Variants in IPCEF1 observed in about 807,000 individuals in gnomAD.
IPCEF1 encodes interaction protein for cytohesin exchange factors 1, also known as interactor protein for cytohesin exchange factors 1.
A neutral mutation model predicts 50.9 loss-of-function variants in IPCEF1; 31 were observed. That is an observed-to-expected ratio of 0.61 (90% CI 0.46 to 0.82). The LOEUF is 0.82. IPCEF1 is among the 40% of genes least tolerant of loss of function. IPCEF1 has a pLI of 0.00. For missense variants in IPCEF1, 458 were observed against 514.0 expected (o/e 0.89, Z 1.05); for synonymous variants, 181 against 192.0 (o/e 0.94, Z 0.47).
intron 5 of IPCEF1, among the ~76,000 whole-genome samples, chr6:154,240,522 G>GAA (rs11394579): frequency 0.018 from 2,689 of 146,542 alleles, 72 homozygotes; most frequent in African/African-American, 0.062. Context: ...TTCTTGAGCT[G>GAA]AAAAAAAAAA....
rs1298381803 is a variant in IPCEF1, at chr6:154,199,845, C to T, written c.733G>A (p.Val245Ile). Residue 245 changes from valine (V) to isoleucine (I), a missense_variant, in exon 10 of 12, where the codon GTT (valine) becomes ATT (isoleucine). By Grantham distance (29) the Val-to-Ile change is conservative. Coordinates refer to ENST00000367220, the MANE Select transcript of IPCEF1 (RefSeq NM_001130700.2). ...EGQPITFAVQ[V>I]HSPVPSEAGI... The stretch of plus-strand genomic sequence containing the variant: ...GCCTCTGAGGGTACAGGTGAATGAA[C>T]TTGCACAGCAAACGTTATTGGTTGT... 1.9e-6 allele frequency: 3 copies of T among 1,614,068 alleles called. No individual in the cohort carries two copies. The highest frequency in any genetic ancestry group is 1.7e-5 in the Admixed American group (1 of 60,004).
intron 1 of IPCEF1, among the ~76,000 whole-genome samples, chr6:154,307,172 T>C (rs1244225783): frequency 6.6e-6 from 1 of 152,184 alleles, no homozygotes; most frequent in Non-Finnish European, 1.5e-5. Context: ...CCAAATCTCA[T>C]CTTGTAGCTC....
Position 154,243,060 on chromosome 6 carries a change from G to C in IPCEF1, c.246+3531C>G, listed in dbSNP as rs1001508624. Among the ~76,000 whole-genome samples, 14 of 152,202 alleles carry C rather than the reference G, an allele frequency of 9.2e-5. No homozygotes were observed. In the South Asian group the frequency reaches 2.1e-3, roughly 22 times the overall value. ...TAGGAGAAAGACTTCAGGGCATGGAGACAGAGTTTTCTGAGCAGAGAAACA... is the reference window on the plus strand; with the variant it reads ...TAGGAGAAAGACTTCAGGGCATGGACACAGAGTTTTCTGAGCAGAGAAACA... On this transcript the variant is annotated intron_variant, in intron 5 of 11. Coordinates refer to ENST00000367220, the MANE Select transcript of IPCEF1 (RefSeq NM_001130700.2).
intron 5 of IPCEF1, among the ~76,000 whole-genome samples, chr6:154,224,578 G>A (rs917048352): frequency 6.6e-6 from 1 of 152,114 alleles, no homozygotes; most frequent in Non-Finnish European, 1.5e-5. Context: ...GGTCATGGTG[G>A]TGGGCCCCTG....
chr6:154,161,624 A>T (rs942575386), intron 11 of IPCEF1, among the ~76,000 whole-genome samples: 1 of 152,136 alleles, frequency 6.6e-6, no homozygotes, highest in East Asian at 1.9e-4. Flanking sequence ...TTATGTTCTC[A>T]TGCCTTCCAA....
chr6:154,266,701 A>G (rs1287075747), intron 2 of IPCEF1, among the ~76,000 whole-genome samples: 2 of 151,978 alleles, frequency 1.3e-5, no homozygotes, highest in Non-Finnish European at 2.9e-5. Context: ...TTGAAAACAT[A>G]GCTAACTCCC....
rs184924596 is a variant in IPCEF1, at chr6:154,321,398, C to T, written c.-61-31642G>A. 3.8e-4 allele frequency among the ~76,000 whole-genome samples: 58 copies of T among 151,892 alleles called. 1 individual carries two copies. Among genetic ancestry groups the T allele is most frequent in the Admixed American group, 3.7e-3 (57 of 15,224 alleles). On this transcript the variant is annotated intron_variant, in intron 1 of 11. Coordinates refer to ENST00000367220, the MANE Select transcript of IPCEF1 (RefSeq NM_001130700.2). ...TAGTTTTTACTCATGAACTTATATA[C>T]TAGATAAACATTTCAGGAAAGAGGG...
intron 9 of IPCEF1, among the ~76,000 whole-genome samples, chr6:154,209,729 C>T (rs1305679180): frequency 6.6e-6 from 1 of 151,614 alleles, no homozygotes; most frequent in Non-Finnish European, 1.5e-5. Context: ...AACCAAGTGC[C>T]TTCCATGTCT....
At chr6:154,161,502 T>C (rs779107281) in intron 11 of IPCEF1, among the ~76,000 whole-genome samples, 1 of 152,138 alleles carries the variant, frequency 6.6e-6, no homozygotes, top group Non-Finnish European at 1.5e-5. Context: ...CGTGAGCCAC[T>C]GCACCTGGCC....
intron 3 of IPCEF1, among the ~76,000 whole-genome samples, chr6:154,260,138 T>C (rs2128651013): frequency 6.6e-6 from 1 of 152,246 alleles, no homozygotes; most frequent in South Asian, 2.1e-4. Flanking sequence ...TCTTGTGAAG[T>C]AAACACAGCA....
chr6:154,339,846 C>G (rs964920686), intron 1 of IPCEF1, among the ~76,000 whole-genome samples: 5 of 152,120 alleles, frequency 3.3e-5, no homozygotes, highest in Admixed American at 6.5e-5. Context: ...GAGCCACCCC[C>G]CTCACCTCCC....
In IPCEF1 at chr6:154,312,942, G is replaced by A. The variant is rs560408267; in HGVS notation, c.-61-23186C>T. Among the ~76,000 whole-genome samples, 81 of 151,808 alleles carry A rather than the reference G, an allele frequency of 5.3e-4. No homozygotes were observed. In the South Asian group the frequency reaches 0.017, roughly 31 times the overall value. ...ATTTTTTAGAACTTTTTCTTGGGCAGGGCACAGTGGCTCACACCTAACACT... is the reference window on the plus strand; with the variant it reads ...ATTTTTTAGAACTTTTTCTTGGGCAAGGCACAGTGGCTCACACCTAACACT... On this transcript the variant is annotated intron_variant, in intron 1 of 11. Transcript: ENST00000367220.
chr6:154,250,736 A>G (rs1781317432), intron 3 of IPCEF1, among the ~76,000 whole-genome samples: 1 of 152,228 alleles, frequency 6.6e-6, no homozygotes, highest in Non-Finnish European at 1.5e-5. Flanking sequence ...GATGTATTAA[A>G]ATTCACAGTA....
At chr6:154,301,455 T>C (rs1782793033) in intron 1 of IPCEF1, among the ~76,000 whole-genome samples, 1 of 152,216 alleles carries the variant, frequency 6.6e-6, no homozygotes, top group Non-Finnish European at 1.5e-5. Context: ...TGTCTGTGTG[T>C]GTACCGTTCT....
At chr6:154,236,521 A>G (rs1780147536) in intron 5 of IPCEF1, among the ~76,000 whole-genome samples, 1 of 152,214 alleles carries the variant, frequency 6.6e-6, no homozygotes, top group African/African-American at 2.4e-5. Flanking sequence ...ACTCAACTGT[A>G]CCCTTAAAAA....
intron 3 of IPCEF1, among the ~76,000 whole-genome samples, chr6:154,264,234 C>CT (rs1282812532): frequency 2.0e-4 from 30 of 150,030 alleles, no homozygotes; most frequent in East Asian, 9.7e-4. Flanking sequence ...TGCATGACTT[C>CT]TTTTTTTTTA....
intron 4 of IPCEF1, 198 bp from the exon 5 acceptor site, chr6:154,246,958 G>A (rs1385713429): frequency 5.9e-6 from 3 of 505,766 alleles, no homozygotes; most frequent in Non-Finnish European, 9.7e-6. Context: ...AAAAAGCCAT[G>A]TGTCTGTTTT....
rs556454877 is a variant in IPCEF1, at chr6:154,197,308, C to T, written c.910+2360G>A. ...AAATGCACAATATGAAATTTGATTA[C>T]TCAACAGCAAGTCATCACAAATGCA... is the stretch of plus-strand genomic sequence containing the variant. On this transcript the variant is annotated intron_variant, in intron 10 of 11. Coordinates refer to ENST00000367220, the MANE Select transcript of IPCEF1 (RefSeq NM_001130700.2). Among the ~76,000 whole-genome samples, 11 of 152,232 alleles carry T rather than the reference C, an allele frequency of 7.2e-5. No individual in the cohort carries two copies. The East Asian group carries it at 1.5e-3, about 21-fold the overall frequency.
chr6:154,304,667 C>G (rs1476128577), intron 1 of IPCEF1, among the ~76,000 whole-genome samples: 1 of 152,272 alleles, frequency 6.6e-6, no homozygotes, highest in African/African-American at 2.4e-5. Flanking sequence ...TGACCAAATC[C>G]ATAGACAGTC....
Sources: allele counts gnomAD v4.1 joint callset (sites outside exome capture counted in the v4.1 genomes callset), GRCh38; gene constraint gnomAD v4.1.1; transcripts MANE v1.5; gene names NCBI Gene and HGNC (gene_info 2026-07-23, HGNC 2026-07-21).